Variants in NRXN1 observed in about 807,000 individuals in gnomAD.
NRXN1 encodes neurexin 1, also known as neurexin-1.
NRXN1 carries 39 observed loss-of-function variants against 150.9 expected under a neutral mutation model. That is an observed-to-expected ratio of 0.26 (90% CI 0.20 to 0.34). The LOEUF is 0.34. Ranked by LOEUF, NRXN1 falls within the 10% of genes least tolerant of loss-of-function variation. NRXN1 has a pLI of 1.00. For synonymous variants in NRXN1, 924 were observed against 757.0 expected (o/e 1.22, Z -3.62); for missense variants, 1,815 against 1,949.9 (o/e 0.93, Z 1.30).
At chr2:49,931,616 T>C (rs1237502552) in intron 22 of NRXN1, among the ~76,000 whole-genome samples, 1 of 151,898 alleles carries the variant, frequency 6.6e-6, no homozygotes, top group Admixed American at 6.6e-5. Context: ...GGCCCAACTT[T>C]CCATAATTGT....
intron 2 of NRXN1, among the ~76,000 whole-genome samples, chr2:50,990,849 T>C (rs1005500204): frequency 2.0e-5 from 3 of 151,988 alleles, no homozygotes; most frequent in Non-Finnish European, 4.4e-5. Context: ...GGTGGAGACC[T>C]CGCCATTTCT....
intron 5 of NRXN1, among the ~76,000 whole-genome samples, chr2:50,651,910 C>T (rs1685694179): frequency 6.6e-6 from 1 of 152,140 alleles, no homozygotes; most frequent in African/African-American, 2.4e-5. Flanking sequence ...TCCTAACACT[C>T]TATGAATAAT....
chr2:50,657,172 C>T (rs1001506959), intron 5 of NRXN1, among the ~76,000 whole-genome samples: 24 of 151,982 alleles, frequency 1.6e-4, no homozygotes, highest in Admixed American at 6.6e-5. Context: ...CAATACTACC[C>T]TAAAGCCTCC....
At chr2:50,482,696 G>A (rs568415729) in intron 15 of NRXN1, among the ~76,000 whole-genome samples, 24 of 152,066 alleles carry the variant, frequency 1.6e-4, no homozygotes, top group Admixed American at 3.9e-4. Context: ...GACCTACTGG[G>A]CTGGGCTGCA....
chr2:50,366,184 A>G (rs1422453023), intron 17 of NRXN1, among the ~76,000 whole-genome samples: 1 of 139,884 alleles, frequency 7.1e-6, no homozygotes, highest in Admixed American at 7.5e-5. Context: ...CCAGAGTTGG[A>G]TTTGCTGACA....
At chr2:50,706,289 T>C (rs1236287097) in intron 5 of NRXN1, among the ~76,000 whole-genome samples, 1 of 152,204 alleles carries the variant, frequency 6.6e-6, no homozygotes, top group Non-Finnish European at 1.5e-5. Context: ...ATATACCTGC[T>C]GGGTTATATA....
chr2:50,021,179 G>T (rs1017710288), intron 21 of NRXN1, among the ~76,000 whole-genome samples: 2 of 152,146 alleles, frequency 1.3e-5, no homozygotes, highest in Non-Finnish European at 2.9e-5. Context: ...ATCTACTTAG[G>T]TCATAATACT....
intron 19 of NRXN1, among the ~76,000 whole-genome samples, chr2:50,065,763 G>C (rs1695265868): frequency 6.6e-6 from 1 of 152,046 alleles, no homozygotes; most frequent in Non-Finnish European, 1.5e-5. Flanking sequence ...TAACCTATAA[G>C]AAAAGCCACA....
chr2:50,121,954 C>T (rs11898302), intron 18 of NRXN1, among the ~76,000 whole-genome samples: 41,532 of 152,016 alleles, frequency 0.27, 6,089 homozygotes, highest in Admixed American at 0.41. Context: ...ACAAAACCTG[C>T]AAAGGCAATT....
intron 2 of NRXN1, among the ~76,000 whole-genome samples, chr2:50,935,464 G>T (rs2104432379): frequency 6.6e-6 from 1 of 152,282 alleles, no homozygotes; most frequent in Admixed American, 6.5e-5. Flanking sequence ...GGGCGCAGTG[G>T]CTCAGGCCTA....
chr2:50,069,261 G>A (rs992192538), intron 19 of NRXN1, among the ~76,000 whole-genome samples: 2 of 152,086 alleles, frequency 1.3e-5, no homozygotes, highest in Admixed American at 6.5e-5. Context: ...GGCAAAGAAG[G>A]GCCACAGAAA....
At chr2:50,521,616 AGAGCCTTGCCCACTT>A (rs1481323679) in intron 12 of NRXN1, among the ~76,000 whole-genome samples, 1 of 152,238 alleles carries the variant, frequency 6.6e-6, no homozygotes, top group Non-Finnish European at 1.5e-5. Flanking sequence ...CATGATTTAA[AGAGCCTTGCCCACTT>A]GACTTATGTA....
chr2:50,802,560 A>AGGAAGGAAGGAAGGAT (rs1707762046), intron 5 of NRXN1, among the ~76,000 whole-genome samples: 2 of 136,114 alleles, frequency 1.5e-5, no homozygotes, highest in Non-Finnish European at 3.3e-5. Context: ...GAAGGAAGGA[A>AGGAAGGAAGGAAGGAT]GGAAGGAAGG....
At chr2:50,247,049 G>A (rs2066565671) in intron 17 of NRXN1, among the ~76,000 whole-genome samples, 1 of 151,978 alleles carries the variant, frequency 6.6e-6, no homozygotes, top group African/African-American at 2.4e-5. Context: ...ACAAGCATAG[G>A]AAAGATTTAT....
intron 5 of NRXN1, among the ~76,000 whole-genome samples, chr2:50,670,796 T>C (rs930759626): frequency 9.9e-5 from 15 of 151,920 alleles, no homozygotes; most frequent in African/African-American, 3.6e-4. Context: ...TATTTTCTCA[T>C]TATTAGATTG....
intron 5 of NRXN1, among the ~76,000 whole-genome samples, chr2:50,760,889 A>G (rs1296052613): frequency 2.0e-5 from 3 of 151,924 alleles, no homozygotes; most frequent in Non-Finnish European, 2.9e-5. Flanking sequence ...ATCTATTCAC[A>G]TTGTTTGTGC....
At chr2:49,970,987 T>G (rs1677856745) in intron 21 of NRXN1, among the ~76,000 whole-genome samples, 1 of 152,128 alleles carries the variant, frequency 6.6e-6, no homozygotes, top group African/African-American at 2.4e-5. Flanking sequence ...CAGCTGTGGA[T>G]TTTGGTAGTG....
At chr2:50,454,631 T>C (rs1418553043) in intron 17 of NRXN1, among the ~76,000 whole-genome samples, 2 of 151,092 alleles carry the variant, frequency 1.3e-5, no homozygotes, top group Non-Finnish European at 2.9e-5. Flanking sequence ...CATGTACATA[T>C]TTTCTTAAAA....
chr2:50,246,304 C>A (rs558142057), intron 17 of NRXN1, among the ~76,000 whole-genome samples: 2 of 152,018 alleles, frequency 1.3e-5, no homozygotes, highest in East Asian at 3.9e-4. Flanking sequence ...GGCTTTATGA[C>A]TTTTTGGCAG....
Sources: allele counts gnomAD v4.1 joint callset (sites outside exome capture counted in the v4.1 genomes callset), GRCh38; gene constraint gnomAD v4.1.1; transcripts MANE v1.5; gene names NCBI Gene and HGNC (gene_info 2026-07-23, HGNC 2026-07-21).